Variants in SPRY3 observed in about 807,000 individuals in gnomAD.
SPRY3 encodes sprouty RTK signaling antagonist 3, also known as protein sprouty homolog 3.
Under a neutral mutation model 20.2 loss-of-function variants are expected in SPRY3, and 15 were observed. The observed-to-expected ratio is 0.74, with a 90% CI of 0.50 to 1.14. The LOEUF is 1.14. SPRY3 is among the 50% of genes most tolerant of loss of function. The pLI is 0.00. For missense variants in SPRY3, 364 were observed against 363.9 expected (o/e 1.00, Z 0.00); for synonymous variants, 143 against 136.5 (o/e 1.05, Z -0.33).
chrX:155,766,784 C>G (rs1409598296), intron 2 of SPRY3, among the ~76,000 whole-genome samples: 2 of 152,160 alleles, frequency 1.3e-5, no homozygotes, highest in Non-Finnish European at 2.9e-5. Context: ...CAGGAATCCA[C>G]AACACCTAGC....
intron 2 of SPRY3, among the ~76,000 whole-genome samples, chrX:155,691,786 G>T (rs2068102474): frequency 1.1e-5 from 1 of 87,341 alleles, no homozygotes; most frequent in African/African-American, 5.5e-5. Context: ...CTTCATCTTA[G>T]GAACATTCCA....
chrX:155,746,332 ATTTC>A (rs1268327119), intron 2 of SPRY3, among the ~76,000 whole-genome samples: 1 of 152,016 alleles, frequency 6.6e-6, no homozygotes, highest in Non-Finnish European at 1.5e-5. Flanking sequence ...ATTTTTTCCT[ATTTC>A]TTTGATTTTT....
intron 2 of SPRY3, among the ~76,000 whole-genome samples, chrX:155,694,270 T>G (rs1458988594): frequency 8.9e-6 from 1 of 112,205 alleles, no homozygotes; most frequent in East Asian, 2.8e-4. Context: ...TGTGGCCTTT[T>G]AAGATAATAT....
chrX:155,778,878 G>A (rs2091446319), downstream of SPRY3: 1 of 166,946 alleles, frequency 6.0e-6, no homozygotes, highest in Non-Finnish European at 1.5e-5. Context: ...AGGTATCTTA[G>A]CCTCAGTTTC....
chrX:155,642,431 A>AT (rs1401266763), intron 1 of SPRY3, among the ~76,000 whole-genome samples: 1 of 110,855 alleles, frequency 9.0e-6, no homozygotes, highest in African/African-American at 3.3e-5. Context: ...CCAAAAAACC[A>AT]TTTTTTGTTT....
chrX:155,751,318 A>G (rs1294564115), intron 2 of SPRY3, among the ~76,000 whole-genome samples: 2 of 151,900 alleles, frequency 1.3e-5, no homozygotes, highest in African/African-American at 4.8e-5. Flanking sequence ...CTACAATTAG[A>G]TGCCAAGAAA....
At chrX:155,757,551 T>C (rs1342293798) in intron 2 of SPRY3, among the ~76,000 whole-genome samples, 3 of 152,046 alleles carry the variant, frequency 2.0e-5, no homozygotes, top group African/African-American at 7.3e-5. Flanking sequence ...AGATGTAGAT[T>C]TGGTATTTTC....
chrX:155,757,656 C>G (rs189790873), intron 2 of SPRY3, among the ~76,000 whole-genome samples: 29 of 152,196 alleles, frequency 1.9e-4, no homozygotes, highest in African/African-American at 6.0e-4. Context: ...TCATTTGGGA[C>G]TTTTTGAAAA....
chrX:155,636,136 G>T, intron 1 of SPRY3, among the ~76,000 whole-genome samples: 1 of 111,548 alleles, frequency 9.0e-6, no homozygotes, highest in East Asian at 2.8e-4. Flanking sequence ...CATTGAATTG[G>T]AAGTTGAGAC....
At chrX:155,746,238 T>C (rs1402560501) in intron 2 of SPRY3, among the ~76,000 whole-genome samples, 1 of 152,062 alleles carries the variant, frequency 6.6e-6, no homozygotes, top group Non-Finnish European at 1.5e-5. Flanking sequence ...AATAATCTTT[T>C]ACATTGATTT....
chrX:155,772,228 A>T lies in SPRY3; in HGVS notation c.-106-1538A>T, dbSNP rs1467012962. Among the ~76,000 whole-genome samples the T allele has an allele frequency of 1.3e-4, 20 of 152,326 alleles. 1 individual carries two copies. In the East Asian group the frequency reaches 3.7e-3, roughly 28 times the overall value. On this transcript the variant is annotated intron_variant, in intron 3 of 3. Transcript: ENST00000675360. ...TTAAATCTTTTCAAGTAATGAGCAG[A>T]TGTAAATTCAGCTTATCAGGTTTGC...
intron 1 of SPRY3, among the ~76,000 whole-genome samples, chrX:155,651,293 G>A (rs782546375): frequency 6.4e-5 from 7 of 110,215 alleles, no homozygotes; most frequent in African/African-American, 2.3e-4. Context: ...TCTTGGTCTC[G>A]AGTGATCTGC....
intron 2 of SPRY3, among the ~76,000 whole-genome samples, chrX:155,716,216 G>A (rs2091021385): frequency 6.6e-6 from 1 of 152,040 alleles, no homozygotes; most frequent in South Asian, 2.1e-4. Context: ...TCTGTCTTTA[G>A]GTTCACTGAT....
chrX:155,732,055 G>A (rs888665921), intron 2 of SPRY3, among the ~76,000 whole-genome samples: 3 of 151,880 alleles, frequency 2.0e-5, no homozygotes, highest in Non-Finnish European at 2.9e-5. Flanking sequence ...CTTAGAAAAC[G>A]TAGCCTTCCT....
chrX:155,616,108 C>CCCTCTCTCTT (rs1557348837), intron 1 of SPRY3, among the ~76,000 whole-genome samples: 55 of 49,473 alleles, frequency 1.1e-3, no homozygotes, highest in African/African-American at 2.5e-3. Context: ...GGGTCTCTCT[C>CCCTCTCTCTT]TCTCTCTCTC....
chrX:155,734,056 A>C (rs1380900399), intron 2 of SPRY3, among the ~76,000 whole-genome samples: 1 of 152,062 alleles, frequency 6.6e-6, no homozygotes, highest in Non-Finnish European at 1.5e-5. Flanking sequence ...CTTATCATTT[A>C]TTTGTTTACT....
rs1261976076 is a variant in SPRY3 at position 155,689,755 on chromosome X, TA to T, written c.-282+32740del. 3.7e-4 allele frequency among the ~76,000 whole-genome samples: 30 copies of T among 81,352 alleles called. 2 individuals carry two copies. The highest frequency in any genetic ancestry group is 1.4e-3 in the East Asian group (4 of 2,760). 70.6% of individuals were successfully genotyped at this position (81,352 alleles called of 115,157 possible). A position where few individuals can be genotyped will look rare whatever the true frequency, so the allele number is the denominator to read the frequency against. On this transcript the variant is annotated intron_variant, in intron 2 of 3. Transcript: ENST00000675360. ...TGACAGTCTATCTATTTTATTGATT[TA>T]AAAAAAAAACAACTCCTGGATTCAT...
At chrX:155,705,042 G>C (rs1371999902) in intron 2 of SPRY3, among the ~76,000 whole-genome samples, 2 of 151,458 alleles carry the variant, frequency 1.3e-5, no homozygotes, top group Non-Finnish European at 3.0e-5. Flanking sequence ...TATCATATCA[G>C]ACTAAAATGT....
intron 2 of SPRY3, among the ~76,000 whole-genome samples, chrX:155,660,448 C>A (rs2068006223): frequency 9.0e-6 from 1 of 111,718 alleles, no homozygotes; most frequent in Admixed American, 9.5e-5. Context: ...AGCATATGGT[C>A]TATTTGGGAG....
Sources: gnomAD v4.1 joint callset for allele counts (sites outside exome capture counted in the v4.1 genomes callset) on GRCh38, gnomAD v4.1.1 for gene constraint, MANE v1.5 for transcripts, NCBI Gene and HGNC (gene_info 2026-07-23, HGNC 2026-07-21) for gene names.